MCC: variants seen among roughly 807,000 people sequenced by gnomAD.
The protein encoded by MCC is colorectal mutant cancer protein.
Under a neutral mutation model 116.2 loss-of-function variants are expected in MCC, and 90 were observed. That is an observed-to-expected ratio of 0.77 (90% CI 0.65 to 0.92). MCC has a LOEUF of 0.92. Ranked by LOEUF, MCC falls within the 40% of genes least tolerant of loss-of-function variation. The pLI, the probability that MCC is intolerant of heterozygous loss-of-function variation, is 0.00. For missense variants in MCC, 1,516 were observed against 1,312.2 expected (o/e 1.16, Z -2.40); for synonymous variants, 578 against 510.5 (o/e 1.13, Z -1.78).
chr5:113,389,524 T>A (rs1462042363), intron 1 of MCC, among the ~76,000 whole-genome samples: 1 of 152,184 alleles, frequency 6.6e-6, no homozygotes, highest in Admixed American at 6.5e-5. Context: ...TCTGATAACA[T>A]TTAGTACCTG....
At chr5:113,310,483 A>T (rs1375000614) in intron 3 of MCC, among the ~76,000 whole-genome samples, 1 of 152,264 alleles carries the variant, frequency 6.6e-6, no homozygotes, top group African/African-American at 2.4e-5. Context: ...ACAGCAGCAC[A>T]AATGAATGAA....
intron 1 of MCC, among the ~76,000 whole-genome samples, chr5:113,485,799 T>C (rs986817564): frequency 6.6e-6 from 1 of 152,228 alleles, no homozygotes; most frequent in African/African-American, 2.4e-5. Context: ...TGATGACATA[T>C]AGTCATCTGA....
chr5:113,254,248 C>A (rs1383797070), intron 3 of MCC, among the ~76,000 whole-genome samples: 1 of 152,092 alleles, frequency 6.6e-6, no homozygotes, highest in Non-Finnish European at 1.5e-5. Context: ...GACGGATAAG[C>A]AGAGGCTCAA....
intron 3 of MCC, among the ~76,000 whole-genome samples, chr5:113,188,346 C>G (rs1349720918): frequency 6.6e-6 from 1 of 152,172 alleles, no homozygotes; most frequent in Non-Finnish European, 1.5e-5. Flanking sequence ...TCTAATTATT[C>G]TAGCCCCACG....
At chr5:113,355,621 G>C (rs1474631848) in intron 2 of MCC, among the ~76,000 whole-genome samples, 1 of 152,110 alleles carries the variant, frequency 6.6e-6, no homozygotes, top group East Asian at 1.9e-4. Context: ...GTTCTGGTGG[G>C]GTTCTGGCGA....
At chr5:113,146,314 T>A (rs1202087842) in intron 4 of MCC, among the ~76,000 whole-genome samples, 1 of 492 alleles carries the variant, frequency 2.0e-3, no homozygotes, top group Non-Finnish European at 0.019. Context: ...CCCCTCTGAT[T>A]CCTGTTTTTG....
intron 7 of MCC, among the ~76,000 whole-genome samples, chr5:113,103,843 T>G (rs1191983611): frequency 6.6e-6 from 1 of 152,166 alleles, no homozygotes; most frequent in Non-Finnish European, 1.5e-5. Context: ...GCCTTAGAGC[T>G]TTAACAAAAC....
At chr5:113,059,864 T>G (rs1435689064) in intron 14 of MCC, among the ~76,000 whole-genome samples, 1 of 152,202 alleles carries the variant, frequency 6.6e-6, no homozygotes, top group Non-Finnish European at 1.5e-5. Context: ...CCACCTACCC[T>G]GTCCACTATA....
intron 3 of MCC, among the ~76,000 whole-genome samples, chr5:113,194,485 TA>T (rs1440895341): frequency 1.3e-5 from 2 of 151,938 alleles, no homozygotes; most frequent in African/African-American, 4.8e-5. Flanking sequence ...GGCAACAAAG[TA>T]AGAATCTGTC....
rs765600867 is a variant in MCC, at chr5:113,085,159, C to A, written c.1545+5G>T. ...CGCTCATCGGGTCCATCCCCAGGAA[C>A]TCACCTTGGCGATGGGAATGTCATT... On this transcript the variant is annotated splice_donor_5th_base_variant and intron_variant, in intron 9 of 18. Transcript: ENST00000408903. The A allele has an allele frequency of 6.2e-7, 1 of 1,614,146 alleles. No individual in the cohort carries two copies. The highest frequency in any genetic ancestry group is 8.5e-7 in the Non-Finnish European group (1 of 1,180,018).
chr5:113,485,031 G>C (rs1407492204), intron 1 of MCC, among the ~76,000 whole-genome samples: 1 of 152,126 alleles, frequency 6.6e-6, no homozygotes, highest in Non-Finnish European at 1.5e-5. Flanking sequence ...CTATTGATGG[G>C]GATGATTCTG....
intron 3 of MCC, among the ~76,000 whole-genome samples, chr5:113,156,935 G>T (rs1760203490): frequency 6.6e-6 from 1 of 152,196 alleles, no homozygotes; most frequent in African/African-American, 2.4e-5. Context: ...CCTCTGAGAG[G>T]AAAGGTGTCC....
chr5:113,204,501 G>A (rs559563905), intron 3 of MCC: 2 of 152,272 alleles, frequency 1.3e-5, no homozygotes, highest in African/African-American at 4.8e-5. Flanking sequence ...TTTATTTTTA[G>A]TATTAAAATA....
chr5:113,297,117 C>T (rs1274537820), intron 3 of MCC, among the ~76,000 whole-genome samples: 1 of 152,228 alleles, frequency 6.6e-6, no homozygotes, highest in Non-Finnish European at 1.5e-5. Context: ...CCACCACAAT[C>T]TGGCAGCAGC....
Position 113,340,722 on chromosome 5 carries a change from A to C in MCC, c.424T>G (p.Ser142Ala), listed in dbSNP as rs776525978. ...TSSDNSLGAL[S>A]AARESWEYDS... ...TATTCCCAGCTCTCCCTGGCTGCTG[A>C]TAAGGCACCTAAGTCCGAGAGAAGC... Residue 142 changes from serine to alanine, a missense_variant, in exon 3 of 19, where the codon TCA becomes GCA. Ser to Ala is a moderately conservative substitution (Grantham distance 99). Coordinates refer to ENST00000408903, the MANE Select transcript of MCC (RefSeq NM_001085377.2). 3.1e-6 allele frequency: 5 copies of C among 1,613,090 alleles called. No homozygotes were observed. The highest frequency in any genetic ancestry group is 2.2e-5 in the East Asian group (1 of 44,862).
At chr5:113,475,267 C>T (rs1387475500) in intron 1 of MCC, among the ~76,000 whole-genome samples, 1 of 152,198 alleles carries the variant, frequency 6.6e-6, no homozygotes, top group African/African-American at 2.4e-5. Flanking sequence ...ACACAAAGCT[C>T]ATCTATCTAG....
intron 3 of MCC, among the ~76,000 whole-genome samples, chr5:113,183,389 C>T (rs1561435762): frequency 6.6e-6 from 1 of 152,138 alleles, no homozygotes; most frequent in Non-Finnish European, 1.5e-5. Flanking sequence ...CCTTCAGGTA[C>T]CAGGTCAGAG....
chr5:113,050,177 T>C (rs1752392843), intron 15 of MCC, among the ~76,000 whole-genome samples: 1 of 152,238 alleles, frequency 6.6e-6, no homozygotes, highest in East Asian at 1.9e-4. Flanking sequence ...CCCCTGCTTA[T>C]GGCTACTGGG....
At chr5:113,189,807 T>G (rs1340812554) in intron 3 of MCC, among the ~76,000 whole-genome samples, 1 of 152,216 alleles carries the variant, frequency 6.6e-6, no homozygotes, top group African/African-American at 2.4e-5. Context: ...ATAGGCAAGT[T>G]CACTCACTTT....
Sources: allele counts gnomAD v4.1 joint callset (sites outside exome capture counted in the v4.1 genomes callset), GRCh38; gene constraint gnomAD v4.1.1; transcripts MANE v1.5; gene names NCBI Gene and HGNC (gene_info 2026-07-23, HGNC 2026-07-21).